GRIP2: variants seen among roughly 807,000 people sequenced by gnomAD.
GRIP2 encodes glutamate receptor interacting protein 2.
Under a neutral mutation model 108.3 loss-of-function variants are expected in GRIP2, and 58 were observed. The observed-to-expected ratio is 0.54, with a 90% CI of 0.43 to 0.67. The LOEUF is 0.67. Among genes scored for constraint, GRIP2 ranks in the 30% least tolerant of loss-of-function variants. The pLI is 0.00. For missense variants in GRIP2, 1,278 were observed against 1,430.6 expected (o/e 0.89, Z 1.72); for synonymous variants, 586 against 598.2 (o/e 0.98, Z 0.30).
chr3:14,500,215 AC>A (rs1693729339), intron 21 of GRIP2, among the ~76,000 whole-genome samples: 1 of 152,216 alleles, frequency 6.6e-6, no homozygotes, highest in Non-Finnish European at 1.5e-5. Flanking sequence ...CAGCTAGTAC[AC>A]AGTGCAGAGA....
upstream of GRIP2, among the ~76,000 whole-genome samples, chr3:14,542,635 G>A (rs1020173877): frequency 1.3e-5 from 2 of 152,172 alleles, no homozygotes; most frequent in African/African-American, 4.8e-5. Flanking sequence ...GTCATGCCGT[G>A]GATTATGGGA....
intron 1 of GRIP2, among the ~76,000 whole-genome samples, chr3:14,550,964 C>A (rs1695137649): frequency 1.3e-5 from 2 of 152,304 alleles, no homozygotes; most frequent in South Asian, 4.1e-4. Flanking sequence ...ATCACCTCGG[C>A]CAAGATAGCA....
At chr3:14,517,244 C>T (rs769151352) in intron 10 of GRIP2, 31 bp from the exon 11 acceptor site, 1 of 1,499,192 alleles carries the variant, frequency 6.7e-7, no homozygotes, top group Admixed American at 2.2e-5. Context: ...CCCCGTGAAC[C>T]CCAGCCGAGG....
At chr3:14,513,043 C>T (rs1694143209) in intron 13 of GRIP2, among the ~76,000 whole-genome samples, 186 bp from the exon 14 acceptor site, 1 of 152,184 alleles carries the variant, frequency 6.6e-6, no homozygotes, top group Non-Finnish European at 1.5e-5. Context: ...TTGCTCAAAA[C>T]AACTGACCTG....
intron 1 of GRIP2, among the ~76,000 whole-genome samples, chr3:14,539,087 G>A (rs1694900805): frequency 6.6e-6 from 1 of 152,220 alleles, no homozygotes; most frequent in South Asian, 2.1e-4. Context: ...TGGGCCCATC[G>A]GGTCAAATCC....
intron 1 of GRIP2, among the ~76,000 whole-genome samples, chr3:14,551,797 C>T (rs548254199): frequency 6.6e-6 from 1 of 152,290 alleles, no homozygotes; most frequent in East Asian, 1.9e-4. Flanking sequence ...CCTGGGTAGG[C>T]TCATGCTCTA....
the GRIP2 span, among the ~76,000 whole-genome samples, chr3:14,579,095 G>A: frequency 1.3e-5 from 2 of 152,164 alleles, no homozygotes; most frequent in African/African-American, 4.8e-5. Flanking sequence ...ATGGATGAAC[G>A]CTCTGAGGTA....
intron 1 of GRIP2, among the ~76,000 whole-genome samples, chr3:14,530,026 T>C (rs2124939995): frequency 6.6e-6 from 1 of 152,272 alleles, no homozygotes. Flanking sequence ...GGCTCAAAGA[T>C]TTCAGAACCA....
intron 3 of GRIP2, among the ~76,000 whole-genome samples, chr3:14,524,830 C>T (rs762548982): frequency 6.6e-6 from 1 of 152,198 alleles, no homozygotes; most frequent in Non-Finnish European, 1.5e-5. Context: ...ACATCCTTTG[C>T]TGTTCCCTAA....
chr3:14,514,451 G>C lies in GRIP2; in HGVS notation c.1334C>G (p.Pro445Arg). 1 of 1,577,744 alleles carries C rather than the reference G, an allele frequency of 6.3e-7. No homozygotes were observed. The highest frequency in any genetic ancestry group is 8.6e-7 in the Non-Finnish European group (1 of 1,163,330). ...SLSLASSTVGPGGQIVHTETT... is the reference protein window; with the variant it reads ...SLSLASSTVGRGGQIVHTETT... ...CTCCGTGTGCACAATCTGCCCGCCC[G>C]GCCCCACCGTGCTGGAGGCTAGCGA... is the stretch of plus-strand genomic sequence containing the variant. The change falls in exon 12 of 24, where the codon CCG becomes CGG. Residue 445 changes from proline (P) to arginine (R), a missense_variant. Physicochemically the swap from Pro to Arg is moderately radical, Grantham distance 103. Coordinates refer to ENST00000621039, the MANE Select transcript of GRIP2 (RefSeq NM_001080423.4).
chr3:14,515,815 G>C (rs987058568), intron 11 of GRIP2, among the ~76,000 whole-genome samples: 2 of 151,984 alleles, frequency 1.3e-5, no homozygotes, highest in East Asian at 3.9e-4. Flanking sequence ...ATTTTTGGTA[G>C]AGATGGAGTT....
the GRIP2 span, among the ~76,000 whole-genome samples, chr3:14,593,723 G>A: frequency 4.7e-4 from 71 of 152,338 alleles, 1 homozygote; most frequent in African/African-American, 1.7e-3. Flanking sequence ...GATGCTGCTG[G>A]CATTTGGGGT....
the GRIP2 span, among the ~76,000 whole-genome samples, chr3:14,578,509 G>C: frequency 1.3e-5 from 2 of 152,100 alleles, no homozygotes; most frequent in Non-Finnish European, 2.9e-5. Flanking sequence ...TTGAGGTCAG[G>C]AGCTCAAGAC....
the GRIP2 span, among the ~76,000 whole-genome samples, chr3:14,571,307 G>C: frequency 6.6e-6 from 1 of 152,044 alleles, no homozygotes; most frequent in African/African-American, 2.4e-5. Flanking sequence ...TGCAACCCTG[G>C]TGTCACCCAT....
Position 14,511,070 on chromosome 3 carries a change from C to T in GRIP2, c.1933+95G>A. 2 of 1,445,600 alleles carry T rather than the reference C, an allele frequency of 1.4e-6. No homozygotes were observed. The highest frequency in any genetic ancestry group is 1.9e-6 in the Non-Finnish European group (2 of 1,062,642). 89.5% of individuals were successfully genotyped at this position (1,445,600 alleles called of 1,614,324 possible). A position where few individuals can be genotyped will look rare whatever the true frequency, so the allele number is the denominator to read the frequency against. Reference sequence around the variant, plus strand: ...CCTTCAGCAGCGCCCACCACCCTCCCTTCCTCGGCTGGAGGGAGCCCTGAA... The same window carrying T: ...CCTTCAGCAGCGCCCACCACCCTCCTTTCCTCGGCTGGAGGGAGCCCTGAA... On this transcript the variant is annotated intron_variant, in intron 16 of 23. Coordinates refer to ENST00000621039, the MANE Select transcript of GRIP2 (RefSeq NM_001080423.4). This position sits in a 1 kb window ranked among gnomAD's most constrained non-coding sequence, Gnocchi z 4.1.
rs1694034859 is a variant in GRIP2 at position 14,509,908 on chromosome 3, C to T, written c.1990G>A (p.Gly664Ser). ...SYTVELKRYGGPLGITISGTE... is the reference protein window; with the variant it reads ...SYTVELKRYGSPLGITISGTE... ...CCCGAAATGGTGATGCCCAGGGGAC[C>T]CCCGTAGCGCTTCAGCTCCACTGTG... Residue 664 changes from glycine to serine, a missense_variant, in exon 17 of 24, where the codon GGT becomes AGT. Gly to Ser is a moderately conservative substitution (Grantham distance 56, BLOSUM62 0). Coordinates refer to ENST00000621039, the MANE Select transcript of GRIP2 (RefSeq NM_001080423.4). 1 of 1,549,674 alleles carries T rather than the reference C, an allele frequency of 6.5e-7. No individual in the cohort carries two copies. Among genetic ancestry groups the T allele is most frequent in the Non-Finnish European group, 8.7e-7 (1 of 1,146,906 alleles).
chr3:14,502,290 C>A (rs954463018), intron 21 of GRIP2, among the ~76,000 whole-genome samples: 1 of 152,036 alleles, frequency 6.6e-6, no homozygotes, highest in African/African-American at 2.4e-5. Context: ...GCCAGAAGTT[C>A]GAGACCAGTC....
chr3:14,503,060 C>A (rs1693809352), intron 21 of GRIP2, among the ~76,000 whole-genome samples: 1 of 152,236 alleles, frequency 6.6e-6, no homozygotes, highest in Admixed American at 6.5e-5. Context: ...TGACCTTACA[C>A]AAAGCCACAT....
the GRIP2 span, among the ~76,000 whole-genome samples, chr3:14,577,097 T>C: frequency 6.6e-6 from 1 of 152,214 alleles, no homozygotes; most frequent in African/African-American, 2.4e-5. Flanking sequence ...GCTCCAATTC[T>C]CTCCCTTCAA....
Sources: allele counts gnomAD v4.1 joint callset (sites outside exome capture counted in the v4.1 genomes callset), GRCh38; gene constraint gnomAD v4.1.1; non-coding constraint Gnocchi (gnomAD v3.1); transcripts MANE v1.5; gene names NCBI Gene and HGNC (gene_info 2026-07-23, HGNC 2026-07-21).